ARHGEF3: variants seen among roughly 807,000 people sequenced by gnomAD.
The protein encoded by ARHGEF3 is 59.8 kDA protein.
In ARHGEF3, 28 loss-of-function variants were observed where a neutral mutation model predicts 63.2. That is an observed-to-expected ratio of 0.44 (90% CI 0.33 to 0.61). The LOEUF is 0.61. Ranked by LOEUF, ARHGEF3 falls within the 20% of genes least tolerant of loss-of-function variation. The pLI, the probability that ARHGEF3 is intolerant of heterozygous loss-of-function variation, is 0.03. For missense variants in ARHGEF3, 533 were observed against 659.3 expected, an observed-to-expected ratio of 0.81 and a Z score of 2.10; for synonymous variants, 266 against 254.2, an observed-to-expected ratio of 1.05 and a Z score of -0.44.
chr3:57,063,848 G>A (rs1384514101), intron 1 of ARHGEF3, among the ~76,000 whole-genome samples: 1 of 152,234 alleles, frequency 6.6e-6, no homozygotes, highest in Non-Finnish European at 1.5e-5. Context: ...GCTCAAAAGA[G>A]AATGGGATAG....
chr3:56,860,700 A>G (rs954664211), intron 4 of ARHGEF3, among the ~76,000 whole-genome samples: 1 of 152,156 alleles, frequency 6.6e-6, no homozygotes, highest in Admixed American at 6.5e-5. Flanking sequence ...ATACAGATGT[A>G]ATTTTTTTTC....
At chr3:57,058,543 T>C (rs1579185978) in intron 1 of ARHGEF3, among the ~76,000 whole-genome samples, 4 of 152,150 alleles carry the variant, frequency 2.6e-5, no homozygotes, top group South Asian at 4.1e-4. Flanking sequence ...ACACTGTTGG[T>C]GGGACTGTAA....
At chr3:56,736,339 C>T (rs2033625215) in intron 8 of ARHGEF3, among the ~76,000 whole-genome samples, 1 of 152,016 alleles carries the variant, frequency 6.6e-6, no homozygotes, top group Non-Finnish European at 1.5e-5. Flanking sequence ...TACACAGTTG[C>T]TATGATAGCA....
intron 3 of ARHGEF3, among the ~76,000 whole-genome samples, chr3:56,915,206 C>A (rs1008870225): frequency 6.6e-6 from 1 of 152,156 alleles, no homozygotes; most frequent in Admixed American, 6.5e-5. Context: ...CTAACCCCAG[C>A]ACTTTGGGAG....
intron 2 of ARHGEF3, among the ~76,000 whole-genome samples, chr3:56,976,770 T>G (rs1305827544): frequency 6.6e-6 from 1 of 152,146 alleles, no homozygotes; most frequent in African/African-American, 2.4e-5. Context: ...ACATGTTTAT[T>G]CCCAAACTGT....
chr3:56,737,867 T>G (rs2033734076), intron 7 of ARHGEF3, among the ~76,000 whole-genome samples: 1 of 152,170 alleles, frequency 6.6e-6, no homozygotes, highest in Non-Finnish European at 1.5e-5. Context: ...ACAAATGGTT[T>G]GAATATCTTT....
At chr3:56,914,928 T>C (rs1469359740) in intron 3 of ARHGEF3, among the ~76,000 whole-genome samples, 1 of 152,170 alleles carries the variant, frequency 6.6e-6, no homozygotes, top group Non-Finnish European at 1.5e-5. Flanking sequence ...ATGGTGGTGA[T>C]GGTTGCACAA....
chr3:57,013,943 C>A (rs573624807), intron 2 of ARHGEF3, among the ~76,000 whole-genome samples: 2 of 152,346 alleles, frequency 1.3e-5, no homozygotes, highest in East Asian at 3.9e-4. Flanking sequence ...GGGTCAATTT[C>A]CACTCTGGGG....
chr3:56,792,113 A>AAAAAAGAAAG (rs55899473), intron 1 of ARHGEF3, among the ~76,000 whole-genome samples: 1 of 139,984 alleles, frequency 7.1e-6, no homozygotes, highest in South Asian at 2.2e-4. Flanking sequence ...CAAAAAAAAA[A>AAAAAAGAAAG]AAAAGAAAAG....
chr3:57,012,954 C>T (rs564097098), intron 2 of ARHGEF3, among the ~76,000 whole-genome samples: 2 of 152,356 alleles, frequency 1.3e-5, no homozygotes, highest in Admixed American at 1.3e-4. Context: ...TGGGTGCGGG[C>T]TTGGCAGGCC....
intron 3 of ARHGEF3, among the ~76,000 whole-genome samples, chr3:56,884,527 A>G (rs2040861370): frequency 6.6e-6 from 1 of 152,218 alleles, no homozygotes; most frequent in African/African-American, 2.4e-5. Flanking sequence ...GAATCACCTG[A>G]GGAATGATTC....
intron 4 of ARHGEF3, among the ~76,000 whole-genome samples, chr3:56,864,894 C>T (rs1340005668): frequency 2.0e-5 from 3 of 152,060 alleles, no homozygotes; most frequent in African/African-American, 7.2e-5. Context: ...AAATGTCACC[C>T]TTTTGTCAAG....
At chr3:56,752,795 C>A (rs1308328678) in intron 4 of ARHGEF3, among the ~76,000 whole-genome samples, 2 of 152,168 alleles carry the variant, frequency 1.3e-5, no homozygotes, top group African/African-American at 4.8e-5. Context: ...TGTGTCCAAG[C>A]AAAGCTTGGG....
At chr3:56,894,411 T>C (rs781297240) in intron 3 of ARHGEF3, among the ~76,000 whole-genome samples, 8 of 152,188 alleles carry the variant, frequency 5.3e-5, no homozygotes, top group Non-Finnish European at 1.0e-4. Flanking sequence ...TGTGTTTCTA[T>C]TGTCAAAATT....
At chr3:56,802,077 T>A, upstream of ARHGEF3, 2 of 1,186,816 alleles carry the variant, frequency 1.7e-6, no homozygotes, top group South Asian at 3.4e-5. Flanking sequence ...GGACACCTCC[T>A]GGGGCTGCGA....
chr3:56,742,923 A>T (rs1235889801), intron 7 of ARHGEF3, among the ~76,000 whole-genome samples: 10 of 151,816 alleles, frequency 6.6e-5, no homozygotes, highest in Non-Finnish European at 4.4e-5. Context: ...GGTATTTTTT[A>T]AAAAAACAGA....
At chr3:56,983,054 TA>T (rs35406556) in intron 2 of ARHGEF3, among the ~76,000 whole-genome samples, 36,307 of 151,818 alleles carry the variant, frequency 0.24, 4,528 homozygotes, top group Middle Eastern at 0.38. Context: ...AAGTAAGCAA[TA>T]AAAAAAATAA....
intron 4 of ARHGEF3, among the ~76,000 whole-genome samples, chr3:56,808,759 C>T (rs1470897819): frequency 1.3e-5 from 2 of 152,114 alleles, no homozygotes; most frequent in Admixed American, 1.3e-4. Context: ...GGTGATTTTA[C>T]CTCCCAGCAG....
intron 1 of ARHGEF3, among the ~76,000 whole-genome samples, chr3:57,060,278 G>A (rs1705150638): frequency 1.3e-5 from 2 of 150,568 alleles, no homozygotes; most frequent in African/African-American, 2.4e-5. Context: ...TCCAGCCTGG[G>A]CGACAGAGCT....
Sources: gnomAD v4.1 joint callset for allele counts (sites outside exome capture counted in the v4.1 genomes callset) on GRCh38, gnomAD v4.1.1 for gene constraint, MANE v1.5 for transcripts, NCBI Gene and HGNC (gene_info 2026-07-23, HGNC 2026-07-21) for gene names.